The following JMJD1C variants were observed in gnomAD, a reference collection of about 807,000 sequenced individuals.
JMJD1C encodes jumonji domain-containing protein 1C.
Under a neutral mutation model 245.3 loss-of-function variants are expected in JMJD1C, and 31 were observed. That is an observed-to-expected ratio of 0.13 (90% confidence interval 0.09 to 0.17). The LOEUF (loss-of-function observed/expected upper bound fraction) is 0.17, where lower values mean the gene tolerates loss of function less well. JMJD1C is among the 10% of genes least tolerant of loss of function. The pLI, the probability that JMJD1C is intolerant of heterozygous loss-of-function variation, is 1.00. For synonymous variants in JMJD1C, 1,057 were observed against 1,017.4 expected, an observed-to-expected ratio of 1.04 and a Z score of -0.74; for missense variants, 2,691 against 3,000.2, an observed-to-expected ratio of 0.90 and a Z score of 2.41.
intron 1 of JMJD1C, chr10:63,521,596 G>A (rs1223935527): frequency 5.0e-6 from 7 of 1,399,574 alleles, no homozygotes; most frequent in Middle Eastern, 2.0e-4. Context: ...CTCTCACTGC[G>A]CCCTGCAGCC....
intron 2 of JMJD1C, among the ~76,000 whole-genome samples, chr10:63,297,809 C>T (rs1473272985): frequency 6.6e-6 from 1 of 152,156 alleles, no homozygotes; most frequent in Non-Finnish European, 1.5e-5. Flanking sequence ...GCTGAAACTG[C>T]CCTCCAGAAA....
chr10:63,484,319 A>C lies in JMJD1C; in HGVS notation n.113+37419T>G, dbSNP rs140246068. On this transcript the variant is annotated intron_variant and non_coding_transcript_variant, in intron 1 of 3. Transcript: ENST00000633035. ...AGATAAAAATAAAAAAATTCACAAC[A>C]CCAGAATGATCCTAAGAACCACCAT... Among the ~76,000 whole-genome samples the C allele has an allele frequency of 3.2e-3, 490 of 152,170 alleles. 2 individuals carry two copies. Among genetic ancestry groups the C allele is most frequent in the African/African-American group, 0.011 (474 of 41,508 alleles).
At chr10:63,189,917 G>C (rs2132962017) in intron 17 of JMJD1C, among the ~76,000 whole-genome samples, 1 of 147,580 alleles carries the variant, frequency 6.8e-6, no homozygotes, top group South Asian at 2.1e-4. Flanking sequence ...TGAGATGGGA[G>C]TCTCACTCTG....
intron 1 of JMJD1C, among the ~76,000 whole-genome samples, chr10:63,504,223 A>G (rs756430339): frequency 2.0e-5 from 3 of 152,338 alleles, no homozygotes; most frequent in Non-Finnish European, 4.4e-5. Context: ...TACTGAGACT[A>G]CTACAATAAA....
intron 1 of JMJD1C, among the ~76,000 whole-genome samples, chr10:63,500,746 AGGAT>A (rs780486083): frequency 0.047 from 5,289 of 112,102 alleles, 180 homozygotes; most frequent in East Asian, 0.21. Context: ...GATGGATGGA[AGGAT>A]GGATGGATGG....
intron 24 of JMJD1C, among the ~76,000 whole-genome samples, chr10:63,173,098 A>G (rs1030169574): frequency 1.3e-5 from 2 of 151,990 alleles, no homozygotes; most frequent in African/African-American, 4.8e-5. Flanking sequence ...AATGTGAGAT[A>G]CTGAATTTTC....
Position 63,198,674 on chromosome 10 carries a change from T to C in JMJD1C, c.5330A>G (p.Asp1777Gly). Residue 1777 changes from aspartate (D) to glycine (G), a missense_variant, in exon 12 of 26, where the codon GAC becomes GGC. By Grantham distance (94) the Asp-to-Gly change is moderately conservative. This residue lies in a region of JMJD1C where 139 missense variants were observed against 270.5 expected (regional missense o/e 0.51). Transcript: ENST00000399262. ...ACTCATAGCTTCATCATCATATTGG[T>C]CAGGAGAAGAGAAACCATCTATTCT... ...VVRIDGFSSPDQYDDEAMSLW... is the reference protein window; with the variant it reads ...VVRIDGFSSPGQYDDEAMSLW... 1 of 1,612,814 alleles carries C rather than the reference T, an allele frequency of 6.2e-7. No homozygotes were observed. Among genetic ancestry groups the C allele is most frequent in the Non-Finnish European group, 8.5e-7 (1 of 1,179,390 alleles).
At chr10:63,398,598 A>G (rs1948653859) in intron 1 of JMJD1C, among the ~76,000 whole-genome samples, 1 of 152,300 alleles carries the variant, frequency 6.6e-6, no homozygotes, top group East Asian at 1.9e-4. Context: ...TTTGCAAATA[A>G]TGATATTCTA....
chr10:63,392,867 AACACACACACACACACACACACACACAC>A (rs34778084), intron 1 of JMJD1C, among the ~76,000 whole-genome samples: 9 of 112,262 alleles, frequency 8.0e-5, no homozygotes, highest in Non-Finnish European at 1.2e-4. Flanking sequence ...AAAGTACATA[AACACACACACACACACACACACACACAC>A]ACACACACAC....
intron 10 of JMJD1C, among the ~76,000 whole-genome samples, chr10:63,200,995 A>C (rs117286393): frequency 0.018 from 2,739 of 152,342 alleles, 33 homozygotes; most frequent in Non-Finnish European, 0.028. Context: ...AGAATCATTC[A>C]TATTCTGTGT....
At chr10:63,305,341 C>T (rs1265460481) in intron 2 of JMJD1C, among the ~76,000 whole-genome samples, 1 of 142,992 alleles carries the variant, frequency 7.0e-6, no homozygotes, top group African/African-American at 2.7e-5. Flanking sequence ...GCACTCCAGC[C>T]TGGCGACGGA....
At chr10:63,210,540 T>C (rs1847196570) in intron 8 of JMJD1C, among the ~76,000 whole-genome samples, 1 of 152,134 alleles carries the variant, frequency 6.6e-6, no homozygotes. Flanking sequence ...TGAGTATTGC[T>C]CCCTTCCAAG....
rs563315792 is a variant in JMJD1C, at chr10:63,381,815, G to A, written c.169-1333C>T. ...ACTATATCAAGTAAAGCAATTTACA[G>A]AGTGTTGATCAGTAAAGATTAGCCC... On this transcript the variant is annotated intron_variant, in intron 1 of 25. Transcript: ENST00000399262. Among the ~76,000 whole-genome samples, 3 of 152,266 alleles carry A rather than the reference G, an allele frequency of 2.0e-5. No individual in the cohort carries two copies. In the South Asian group the frequency reaches 6.2e-4, roughly 32 times the overall value.
chr10:63,207,092 G>T lies in JMJD1C; in HGVS notation c.4577C>A (p.Thr1526Lys), dbSNP rs747562302. Residue 1526 changes from threonine to lysine, a missense_variant, in exon 10 of 26, where the codon ACA becomes AAA. Physicochemically the swap from Thr to Lys is moderately conservative, Grantham distance 78. This residue lies in a region of JMJD1C where 1,562 missense variants were observed against 1,490.7 expected (regional missense o/e 1.05). Transcript: ENST00000399262. ...TCCTACAGAGTTTGCTTTGTTAATTGTACTACAGATTACAGTGCTATCCAG... is the reference window on the plus strand; with the variant it reads ...TCCTACAGAGTTTGCTTTGTTAATTTTACTACAGATTACAGTGCTATCCAG... ...LPLDSTVICS[T>K]INKANSVGNG... The T allele has an allele frequency of 1.9e-6, 3 of 1,614,152 alleles. No homozygotes were observed. Among genetic ancestry groups the T allele is most frequent in the Non-Finnish European group, 1.7e-6 (2 of 1,180,018 alleles).
In JMJD1C at chr10:63,436,156, T is replaced by TA. The variant is rs1951048998; in HGVS notation, c.168+29338dup. ...GATTATATGAGGAGGGAGGAGGTGT[T>TA]AAAGAGTATTAAAAATGCATATTTA... On this transcript the variant is annotated intron_variant, in intron 1 of 25. Transcript: ENST00000399262. 3.3e-5 allele frequency among the ~76,000 whole-genome samples: 5 copies of TA among 152,308 alleles called. No homozygotes were observed. The South Asian group carries it at 1.0e-3, about 32-fold the overall frequency.
intron 2 of JMJD1C, among the ~76,000 whole-genome samples, chr10:63,279,060 G>C (rs1325295648): frequency 6.6e-6 from 1 of 151,986 alleles, no homozygotes; most frequent in East Asian, 1.9e-4. Flanking sequence ...GACTAGCCTG[G>C]CCAACATGGT....
chr10:63,379,482 T>A (rs765322739), intron 2 of JMJD1C, among the ~76,000 whole-genome samples: 14 of 152,332 alleles, frequency 9.2e-5, no homozygotes, highest in South Asian at 2.1e-4. Context: ...GAGAATTTAC[T>A]GAAAATTATT....
In JMJD1C at chr10:63,302,226, CAAG is replaced by C. The variant is rs375298632; in HGVS notation, c.334-37465_334-37463del. On this transcript the variant is annotated intron_variant, in intron 2 of 25. Transcript: ENST00000399262. Reference sequence around the variant, plus strand: ...GCTGTTTCCAGTCTTCTAATACATACAAGAAGAAGCCCTGTACTCAAGTCATCT... The same window carrying C: ...GCTGTTTCCAGTCTTCTAATACATACAAGAAGCCCTGTACTCAAGTCATCT... Among the ~76,000 whole-genome samples the C allele has an allele frequency of 4.0e-4, 61 of 152,214 alleles. 1 individual carries two copies. In the South Asian group the frequency reaches 0.012, roughly 29 times the overall value.
At chr10:63,433,586 C>CTTTTTTTTTTT (rs539696706) in intron 1 of JMJD1C, among the ~76,000 whole-genome samples, 3 of 86,848 alleles carry the variant, frequency 3.5e-5, no homozygotes, top group African/African-American at 3.1e-5. Context: ...CTTTTCTTTT[C>CTTTTTTTTTTT]TTTTTTTTTT....
Sources: gnomAD v4.1 joint callset for allele counts (sites outside exome capture counted in the v4.1 genomes callset) on GRCh38, gnomAD v4.1.1 for gene constraint, gnomAD v4.1.1 regional missense constraint, MANE v1.5 for transcripts, NCBI Gene and HGNC (gene_info 2026-07-23, HGNC 2026-07-21) for gene names.